ZCCHC4: variants seen among roughly 807,000 people sequenced by gnomAD.
ZCCHC4 encodes rRNA N(6)-adenosine-methyltransferase ZCCHC4.
In ZCCHC4, 54 loss-of-function variants were observed where a neutral mutation model predicts 67.7. The ratio of observed to expected loss-of-function variants is 0.80; its 90% confidence interval spans 0.64 to 1.00. ZCCHC4 has a LOEUF of 1.00. Among genes scored for constraint, ZCCHC4 ranks in the 50% least tolerant of loss-of-function variants. The probability of loss-of-function intolerance (pLI) is 0.00; values close to 1 mark genes in which losing one functional copy is unlikely to be tolerated. For missense variants in ZCCHC4, 609 were observed against 617.0 expected (o/e 0.99, Z 0.14); for synonymous variants, 198 against 213.5 (o/e 0.93, Z 0.63).
chr4:25,320,478 A>G (rs932475150), intron 3 of ZCCHC4, among the ~76,000 whole-genome samples: 1 of 152,246 alleles, frequency 6.6e-6, no homozygotes, highest in Non-Finnish European at 1.5e-5. Flanking sequence ...ATGGAGATCA[A>G]TAAAAATGAC....
intron 11 of ZCCHC4, 102 bp from the exon 12 acceptor site, chr4:25,364,920 A>G: frequency 6.7e-7 from 1 of 1,501,952 alleles, no homozygotes; most frequent in Non-Finnish European, 9.0e-7. Flanking sequence ...ACTGGCCACA[A>G]TACTTCAAGT....
chr4:25,364,919 A>G (rs1720882888), intron 11 of ZCCHC4, 103 bp from the exon 12 acceptor site: 1 of 1,498,276 alleles, frequency 6.7e-7, no homozygotes, highest in Non-Finnish European at 9.0e-7. Flanking sequence ...AACTGGCCAC[A>G]ATACTTCAAG....
chr4:25,328,689 C>T (rs1719018952), intron 3 of ZCCHC4, among the ~76,000 whole-genome samples: 1 of 151,772 alleles, frequency 6.6e-6, no homozygotes, highest in South Asian at 2.1e-4. Flanking sequence ...TCGAGCAGTC[C>T]CCCCACCTCA....
intron 8 of ZCCHC4, among the ~76,000 whole-genome samples, chr4:25,353,928 C>T (rs1482010274): frequency 6.6e-6 from 1 of 152,082 alleles, no homozygotes; most frequent in East Asian, 1.9e-4. Flanking sequence ...TCCCTCAGGT[C>T]CTTTTTTGAT....
At chr4:25,366,957 A>C (rs189864543) in intron 12 of ZCCHC4, among the ~76,000 whole-genome samples, 16 of 152,308 alleles carry the variant, frequency 1.1e-4, no homozygotes, top group Admixed American at 1.3e-4. Flanking sequence ...GATAATTCTT[A>C]AATAATATTA....
intron 6 of ZCCHC4, among the ~76,000 whole-genome samples, chr4:25,346,161 G>A (rs1720003069): frequency 6.6e-6 from 1 of 151,882 alleles, no homozygotes; most frequent in South Asian, 2.1e-4. Flanking sequence ...GTCAGGGCTG[G>A]GAGTGTACGG....
intron 11 of ZCCHC4, 26 bp downstream of exon 11, chr4:25,364,531 G>A: frequency 1.3e-6 from 2 of 1,525,886 alleles, no homozygotes; most frequent in Non-Finnish European, 8.8e-7. Context: ...TAGTGTTTGA[G>A]ATCCTATGAA....
chr4:25,364,213 T>G (rs983178012), intron 10 of ZCCHC4, among the ~76,000 whole-genome samples: 1 of 152,150 alleles, frequency 6.6e-6, no homozygotes, highest in Admixed American at 6.5e-5. Context: ...TTCAAGATCA[T>G]TTAGATAAAT....
chr4:25,333,640 A>G (rs993454835), intron 4 of ZCCHC4, among the ~76,000 whole-genome samples, 182 bp downstream of exon 4: 2 of 152,356 alleles, frequency 1.3e-5, no homozygotes, highest in Admixed American at 6.5e-5. Flanking sequence ...AAAAATCTTC[A>G]TAGATTTCTT....
intron 7 of ZCCHC4, among the ~76,000 whole-genome samples, chr4:25,349,929 T>C: frequency 6.6e-6 from 1 of 152,158 alleles, no homozygotes; most frequent in East Asian, 1.9e-4. Context: ...TTCTATTCAG[T>C]AAATATTTAC....
At chr4:25,366,197 C>T (rs1720939211) in intron 12 of ZCCHC4, 2 of 976,392 alleles carry the variant, frequency 2.0e-6, no homozygotes, top group Non-Finnish European at 1.2e-6. Context: ...TGAATTCTGG[C>T]TACTATTACA....
chr4:25,361,998 C>T lies in ZCCHC4; in HGVS notation c.1133+18C>T. The T allele has an allele frequency of 6.2e-7, 1 of 1,605,754 alleles. No homozygotes were observed. Among genetic ancestry groups the T allele is most frequent in the Non-Finnish European group, 8.5e-7 (1 of 1,175,848 alleles). On this transcript the variant is annotated intron_variant, in intron 9 of 12. Coordinates refer to ENST00000302874, the MANE Select transcript of ZCCHC4 (RefSeq NM_024936.3). Reference sequence around the variant, plus strand: ...GGGTACAGGTAAGATCACAGTGGAACTTTGAAGTACACAAGTCACTGAAAA... The same window carrying T: ...GGGTACAGGTAAGATCACAGTGGAATTTTGAAGTACACAAGTCACTGAAAA...
At chr4:25,366,209 C>G in intron 12 of ZCCHC4, 2 of 962,358 alleles carry the variant, frequency 2.1e-6, no homozygotes, top group Non-Finnish European at 2.5e-6. Flanking sequence ...ACTATTACAA[C>G]TGCCTCGTTC....
In ZCCHC4 at chr4:25,370,081, TA is replaced by T. The variant is rs1721088871; in HGVS notation, c.*920del. 1 of 152,206 alleles carries T rather than the reference TA, an allele frequency of 6.6e-6. No individual in the cohort carries two copies. Among genetic ancestry groups the T allele is most frequent in the Admixed American group, 6.5e-5 (1 of 15,280 alleles). The allele number at this position is 152,206 out of a possible 1,614,324, so 9.4% of individuals were successfully genotyped here. ...TGTCCTCTGACGGTCTAGAATCACT[TA>T]AATGCTTGTTGAATGAGTGAGATGT... On this transcript the variant is annotated 3_prime_UTR_variant, in exon 13 of 13. Transcript: ENST00000302874.
Position 25,314,034 on chromosome 4 carries a change from T to G in ZCCHC4, c.128-12T>G. On this transcript the variant is annotated splice_polypyrimidine_tract_variant and intron_variant, in intron 1 of 12. Transcript: ENST00000302874. ...TTGACACTTTTTTTTTTTTTTTCTATTCTGGAACTAGGACCCACTCTTCTG... is the reference window on the plus strand; with the variant it reads ...TTGACACTTTTTTTTTTTTTTTCTAGTCTGGAACTAGGACCCACTCTTCTG... 1 of 1,404,576 alleles carries G rather than the reference T, an allele frequency of 7.1e-7. No individual in the cohort carries two copies. Among genetic ancestry groups the G allele is most frequent in the Admixed American group, 2.2e-5 (1 of 46,040 alleles). The allele number at this position is 1,404,576 out of a possible 1,614,324, so 87.0% of individuals were successfully genotyped here. A position where few individuals can be genotyped will look rare whatever the true frequency, so the allele number is the denominator to read the frequency against.
At chr4:25,362,147 A>T in intron 9 of ZCCHC4, 79 bp from the exon 10 acceptor site, 3 of 1,467,108 alleles carry the variant, frequency 2.0e-6, no homozygotes, top group Non-Finnish European at 2.8e-6. Flanking sequence ...AGTTTTTGTA[A>T]TGAGTGCTTT....
chr4:25,348,867 T>C (rs1176862018), intron 6 of ZCCHC4, among the ~76,000 whole-genome samples: 3 of 152,204 alleles, frequency 2.0e-5, no homozygotes, highest in African/African-American at 7.2e-5. Context: ...AATGTTTACT[T>C]TGCAATTACT....
chr4:25,362,116 A>C lies in ZCCHC4; in HGVS notation c.1134-110A>C, dbSNP rs747309218. 3.7e-5 allele frequency: 54 copies of C among 1,444,808 alleles called. No homozygotes were observed. The Middle Eastern group carries it at 7.2e-4, about 19-fold the overall frequency. 89.5% of individuals were successfully genotyped at this position (1,444,808 alleles called of 1,614,324 possible). A position where few individuals can be genotyped will look rare whatever the true frequency, so the allele number is the denominator to read the frequency against. On this transcript the variant is annotated intron_variant, in intron 9 of 12. Coordinates refer to ENST00000302874, the MANE Select transcript of ZCCHC4 (RefSeq NM_024936.3). ...AAATTAGGTCCATAATTTCATACTTAATTGAATTCAGATTGCACCCAGTTT... is the reference window on the plus strand; with the variant it reads ...AAATTAGGTCCATAATTTCATACTTCATTGAATTCAGATTGCACCCAGTTT...
At chr4:25,350,107 G>C (rs867418406) in intron 7 of ZCCHC4, among the ~76,000 whole-genome samples, 6 of 152,090 alleles carry the variant, frequency 3.9e-5, no homozygotes, top group Middle Eastern at 3.2e-3. Flanking sequence ...GCTTTGCCAG[G>C]ATATGAGTTT....
Sources: allele counts gnomAD v4.1 joint callset (sites outside exome capture counted in the v4.1 genomes callset), GRCh38; gene constraint gnomAD v4.1.1; transcripts MANE v1.5; gene names NCBI Gene and HGNC (gene_info 2026-07-23, HGNC 2026-07-21).